The following WDR72 variants were observed in gnomAD, a reference collection of about 807,000 sequenced individuals.
The protein encoded by WDR72 is WD repeat domain 72, also known as WD repeat-containing protein 72.
A neutral mutation model predicts 124.2 loss-of-function variants in WDR72; 120 were observed. The observed-to-expected ratio is 0.97, with a 90% CI of 0.83 to 1.12. The LOEUF (loss-of-function observed/expected upper bound fraction) is 1.12. WDR72 is among the 50% of genes most tolerant of loss of function. The pLI, the probability that WDR72 is intolerant of heterozygous loss-of-function variation, is 0.00. For missense variants in WDR72, 1,387 were observed against 1,278.8 expected, an observed-to-expected ratio of 1.08 and a Z score of -1.29; for synonymous variants, 452 against 441.7, an observed-to-expected ratio of 1.02 and a Z score of -0.29.
At chr15:53,655,230 C>CAAAAAAAAAAA (rs531072099) in intron 14 of WDR72, among the ~76,000 whole-genome samples, 1 of 54,582 alleles carries the variant, frequency 1.8e-5, no homozygotes, top group Non-Finnish European at 3.2e-5. Flanking sequence ...GATGCCATCT[C>CAAAAAAAAAAA]AAAAAAAAAA....
At chr15:53,729,590 T>C (rs1328794760) in intron 2 of WDR72, among the ~76,000 whole-genome samples, 4 of 152,142 alleles carry the variant, frequency 2.6e-5, no homozygotes, top group Non-Finnish European at 5.9e-5. Flanking sequence ...ATTCACCATG[T>C]ATGCTCCAGG....
At chr15:53,600,679 C>T (rs1345802380) in intron 17 of WDR72, among the ~76,000 whole-genome samples, 1 of 152,092 alleles carries the variant, frequency 6.6e-6, no homozygotes, top group Non-Finnish European at 1.5e-5. Flanking sequence ...GGTTGTTGTT[C>T]CAGTGTCTAG....
At chr15:53,663,769 G>A (rs930505389) in intron 14 of WDR72, among the ~76,000 whole-genome samples, 3 of 152,042 alleles carry the variant, frequency 2.0e-5, no homozygotes, top group Non-Finnish European at 4.4e-5. Flanking sequence ...ATGCTTGGCA[G>A]CTGGCTCAGC....
rs145352625 is a variant in WDR72 at position 53,697,562 on chromosome 15, A to G, written c.1765+2188T>C. ...TCCTAGAGGTGGCCAGAGCTTCCTG[A>G]TGCTGCCAGTGCCTGGGTGCTGGAG... On this transcript the variant is annotated intron_variant, in intron 13 of 19. Transcript: ENST00000360509. Among the ~76,000 whole-genome samples, 1,477 of 152,122 alleles carry G rather than the reference A, an allele frequency of 9.7e-3. 29 individuals are homozygous for G. The highest frequency in any genetic ancestry group is 0.033 in the African/African-American group (1,388 of 41,504).
upstream of WDR72, among the ~76,000 whole-genome samples, chr15:53,759,836 G>GCCTC (rs541904114): frequency 5.6e-3 from 845 of 151,150 alleles, 6 homozygotes; most frequent in African/African-American, 0.019. Flanking sequence ...TGGACCCGCT[G>GCCTC]CCTCCCTCCC....
intron 19 of WDR72, among the ~76,000 whole-genome samples, chr15:53,522,131 C>T (rs1474589535): frequency 2.0e-5 from 3 of 151,920 alleles, no homozygotes; most frequent in African/African-American, 2.4e-5. Flanking sequence ...ATCGCCACTG[C>T]GCCTATTGGG....
intron 11 of WDR72, among the ~76,000 whole-genome samples, chr15:53,703,652 G>A (rs2017252804): frequency 6.6e-6 from 1 of 151,912 alleles, no homozygotes; most frequent in African/African-American, 2.4e-5. Flanking sequence ...CTGTATGAGA[G>A]CACAGGACTA....
At chr15:53,753,916 C>G (rs532292525) in intron 1 of WDR72, among the ~76,000 whole-genome samples, 1 of 152,192 alleles carries the variant, frequency 6.6e-6, no homozygotes, top group South Asian at 2.1e-4. Flanking sequence ...CGACTACATC[C>G]CTAGGGATTA....
At chr15:53,578,205 C>T (rs2011715589) in intron 18 of WDR72, among the ~76,000 whole-genome samples, 1 of 152,136 alleles carries the variant, frequency 6.6e-6, no homozygotes, top group Non-Finnish European at 1.5e-5. Flanking sequence ...CCCCTCCCTT[C>T]AGGAGCTCAC....
At position 53,748,035 on chromosome 15, in the gene WDR72, C is replaced by A. The variant is rs76724881; in HGVS notation, c.-13+11598G>T. Among the ~76,000 whole-genome samples, 49 of 150,826 alleles carry A rather than the reference C, an allele frequency of 3.2e-4. No individual in the cohort carries two copies. The East Asian group carries it at 8.8e-3, about 27-fold the overall frequency. ...AACATAAACAAAAAATACCATTGTC[C>A]TAGACCATTCTTAAGTAAATTCAAC... On this transcript the variant is annotated intron_variant, in intron 1 of 19. Transcript: ENST00000360509.
At chr15:53,730,074 T>G (rs2018157673) in intron 2 of WDR72, among the ~76,000 whole-genome samples, 1 of 152,206 alleles carries the variant, frequency 6.6e-6, no homozygotes, top group African/African-American at 2.4e-5. Flanking sequence ...CACCCATGTG[T>G]ATAGCAGCAT....
At chr15:53,532,851 T>C (rs1346085227) in intron 18 of WDR72, among the ~76,000 whole-genome samples, 1 of 152,124 alleles carries the variant, frequency 6.6e-6, no homozygotes, top group African/African-American at 2.4e-5. Flanking sequence ...GATTTCATCA[T>C]TATACATGTA....
chr15:53,555,838 G>T (rs1460842007), intron 18 of WDR72, among the ~76,000 whole-genome samples: 1 of 151,978 alleles, frequency 6.6e-6, no homozygotes, highest in Non-Finnish European at 1.5e-5. Context: ...TACCTAAAAA[G>T]TCTTATAGCA....
chr15:53,642,874 G>T (rs2926881), intron 14 of WDR72, among the ~76,000 whole-genome samples: 108,461 of 151,716 alleles, frequency 0.71, 38,842 homozygotes, highest in South Asian at 0.76. Flanking sequence ...TTATCTACCT[G>T]CTTGTCTCTG....
chr15:53,535,918 C>T (rs1215292935), intron 18 of WDR72, among the ~76,000 whole-genome samples: 2 of 152,146 alleles, frequency 1.3e-5, no homozygotes, highest in Admixed American at 1.3e-4. Flanking sequence ...TTACTTCACA[C>T]AGATTCCATT....
chr15:53,702,355 C>A lies in WDR72; in HGVS notation c.1349-1G>T, dbSNP rs370749983. On this transcript the variant is annotated splice_acceptor_variant, in intron 11 of 19. Transcript: ENST00000360509. LOFTEE classifies it high-confidence loss of function. The stretch of plus-strand genomic sequence containing the variant: ...TTAAGAACTTTATGAGGGGGAGAAT[C>A]TGAAAAACAATGAAACACCAAATAA... 1 of 1,608,792 alleles carries A rather than the reference C, an allele frequency of 6.2e-7. No homozygotes were observed. The highest frequency in any genetic ancestry group is 1.3e-5 in the African/African-American group (1 of 74,784).
At chr15:53,645,429 A>G (rs894310020) in intron 14 of WDR72, among the ~76,000 whole-genome samples, 2 of 152,138 alleles carry the variant, frequency 1.3e-5, no homozygotes, top group Non-Finnish European at 2.9e-5. Flanking sequence ...TTTTTTAATT[A>G]TAGGTTTTGT....
intron 18 of WDR72, among the ~76,000 whole-genome samples, chr15:53,529,164 A>ATATATATATATTTTTTTTTTT (rs59003623): frequency 1.3e-5 from 1 of 78,152 alleles, no homozygotes; most frequent in African/African-American, 5.0e-5. Flanking sequence ...ATATATATAT[A>ATATATATATATTTTTTTTTTT]TTTTTTTTTT....
intron 13 of WDR72, among the ~76,000 whole-genome samples, chr15:53,693,953 T>C (rs2016923299): frequency 6.6e-6 from 1 of 152,154 alleles, no homozygotes; most frequent in Non-Finnish European, 1.5e-5. Context: ...ACAGTCCACA[T>C]TACCTGAGCA....
Sources: allele counts gnomAD v4.1 joint callset (sites outside exome capture counted in the v4.1 genomes callset), GRCh38; gene constraint gnomAD v4.1.1; transcripts MANE v1.5; gene names NCBI Gene and HGNC (gene_info 2026-07-23, HGNC 2026-07-21).